The following JAKMIP2 variants were observed in gnomAD, a reference collection of about 807,000 sequenced individuals.
The protein encoded by JAKMIP2 is janus kinase and microtubule interacting protein 2, also known as janus kinase and microtubule-interacting protein 2.
In JAKMIP2, 25 loss-of-function variants were observed where a neutral mutation model predicts 115.0. The ratio of observed to expected loss-of-function variants is 0.22; its 90% CI spans 0.16 to 0.30. JAKMIP2 has a LOEUF of 0.30. Among genes scored for constraint, JAKMIP2 ranks in the 10% least tolerant of loss-of-function variants. The pLI is 1.00. For synonymous variants in JAKMIP2, 334 were observed against 343.6 expected, an observed-to-expected ratio of 0.97 and a Z score of 0.31; for missense variants, 642 against 957.6, an observed-to-expected ratio of 0.67 and a Z score of 4.35.
chr5:147,734,857 TTC>T (rs1300045969), intron 1 of JAKMIP2, among the ~76,000 whole-genome samples: 1 of 152,164 alleles, frequency 6.6e-6, no homozygotes, highest in Non-Finnish European at 1.5e-5. Flanking sequence ...ATAAACTGCC[TTC>T]TGTTTCTAGT....
intron 3 of JAKMIP2, among the ~76,000 whole-genome samples, 157 bp from the exon 4 acceptor site, chr5:147,650,704 T>G (rs2053050): frequency 0.077 from 11,665 of 152,176 alleles, 567 homozygotes; most frequent in Middle Eastern, 0.17. Context: ...TGAGGCAACA[T>G]TGTGTAATGA....
chr5:147,713,259 A>G (rs1042822713), intron 1 of JAKMIP2, among the ~76,000 whole-genome samples: 50 of 152,336 alleles, frequency 3.3e-4, no homozygotes, highest in African/African-American at 1.1e-3. Flanking sequence ...ATGAACCAGG[A>G]AGACTTTTTT....
intron 7 of JAKMIP2, among the ~76,000 whole-genome samples, chr5:147,642,229 C>A (rs997689955): frequency 6.6e-6 from 1 of 152,136 alleles, no homozygotes; most frequent in Non-Finnish European, 1.5e-5. Context: ...CTTGTTCTCA[C>A]CTGCAGTCCC....
intron 1 of JAKMIP2, among the ~76,000 whole-genome samples, chr5:147,744,850 G>C (rs1045562955): frequency 8.5e-5 from 13 of 152,118 alleles, no homozygotes; most frequent in African/African-American, 2.4e-4. Context: ...ATGAGGTCAA[G>C]AGATTGAGAC....
chr5:147,683,417 G>A (rs6874858), intron 1 of JAKMIP2, among the ~76,000 whole-genome samples: 25,086 of 151,992 alleles, frequency 0.17, 2,421 homozygotes, highest in African/African-American at 0.26. Flanking sequence ...ACTTGAACCC[G>A]GGAGGCGGAT....
At chr5:147,732,065 T>C (rs1753753437) in intron 1 of JAKMIP2, among the ~76,000 whole-genome samples, 1 of 152,212 alleles carries the variant, frequency 6.6e-6, no homozygotes, top group Non-Finnish European at 1.5e-5. Context: ...AAACTAAATA[T>C]TGCCAAGTAG....
intron 1 of JAKMIP2, among the ~76,000 whole-genome samples, chr5:147,686,493 G>A (rs1441216352): frequency 2.6e-5 from 4 of 151,974 alleles, no homozygotes. Flanking sequence ...TCACATATTT[G>A]CTCTATAGAA....
At chr5:147,629,828 G>T in intron 14 of JAKMIP2, 82 bp from the exon 15 acceptor site, 1 of 1,035,056 alleles carries the variant, frequency 9.7e-7, no homozygotes, top group Non-Finnish European at 1.5e-6. Context: ...GTTAGAGGAA[G>T]ACATTTTAGG....
intron 4 of JAKMIP2, among the ~76,000 whole-genome samples, chr5:147,648,965 G>A (rs1447590635): frequency 2.0e-5 from 3 of 152,164 alleles, no homozygotes; most frequent in Non-Finnish European, 2.9e-5. Context: ...AAAGGTCAAG[G>A]TGAGAAAATG....
intron 1 of JAKMIP2, among the ~76,000 whole-genome samples, chr5:147,718,231 C>T (rs1201412712): frequency 6.6e-6 from 1 of 151,246 alleles, no homozygotes; most frequent in Non-Finnish European, 1.5e-5. Context: ...TTTTGATGTG[C>T]TGCTGGATTC....
At chr5:147,679,178 T>C (rs1391232598) in intron 1 of JAKMIP2, among the ~76,000 whole-genome samples, 3 of 152,028 alleles carry the variant, frequency 2.0e-5, no homozygotes, top group Non-Finnish European at 4.4e-5. Context: ...ATGGGGTTTC[T>C]GTATGTTGTC....
chr5:147,591,718 A>G, intron 21 of JAKMIP2, 32 bp from the exon 22 acceptor site: 1 of 1,382,676 alleles, frequency 7.2e-7, no homozygotes, highest in Non-Finnish European at 1.0e-6. Context: ...TTATTTATAT[A>G]TCAATTTTGT....
chr5:147,733,106 A>G (rs1024302947), intron 1 of JAKMIP2, among the ~76,000 whole-genome samples: 3 of 152,220 alleles, frequency 2.0e-5, no homozygotes, highest in Non-Finnish European at 2.9e-5. Context: ...GATGGTATCA[A>G]TCGTTTCATC....
intron 2 of JAKMIP2, among the ~76,000 whole-genome samples, chr5:147,667,725 A>T (rs538831991): frequency 6.6e-6 from 1 of 152,310 alleles, no homozygotes; most frequent in East Asian, 1.9e-4. Context: ...TCCTATTTTT[A>T]AAATTTCTTG....
At chr5:147,701,875 C>T (rs1752338596) in intron 1 of JAKMIP2, among the ~76,000 whole-genome samples, 1 of 152,130 alleles carries the variant, frequency 6.6e-6, no homozygotes, top group Non-Finnish European at 1.5e-5. Context: ...ATAAATTACC[C>T]AGTGTAAGGT....
chr5:147,735,919 G>A (rs1016031635), intron 1 of JAKMIP2, among the ~76,000 whole-genome samples: 1 of 152,082 alleles, frequency 6.6e-6, no homozygotes, highest in Non-Finnish European at 1.5e-5. Context: ...CATAGTTCTG[G>A]TCTCAGGTTG....
chr5:147,635,623 G>A (rs937226524), intron 12 of JAKMIP2, among the ~76,000 whole-genome samples: 6 of 152,194 alleles, frequency 3.9e-5, no homozygotes, highest in East Asian at 1.9e-4. Flanking sequence ...GTGCAATTGC[G>A]CAATCTCAGC....
intron 1 of JAKMIP2, among the ~76,000 whole-genome samples, chr5:147,768,874 A>C (rs2127069505): frequency 6.6e-6 from 1 of 152,166 alleles, no homozygotes; most frequent in East Asian, 1.9e-4. Context: ...GTAATGTTTT[A>C]TTGTTAACTT....
chr5:147,694,438 A>G (rs1023833791), intron 1 of JAKMIP2, among the ~76,000 whole-genome samples: 1 of 152,148 alleles, frequency 6.6e-6, no homozygotes. Flanking sequence ...CCGGGTCAGG[A>G]CTTCCTGAGA....
Sources: allele counts gnomAD v4.1 joint callset (sites outside exome capture counted in the v4.1 genomes callset), GRCh38; gene constraint gnomAD v4.1.1; transcripts MANE v1.5; gene names NCBI Gene and HGNC (gene_info 2026-07-23, HGNC 2026-07-21).